The following CNTN4 variants were observed in gnomAD, a reference collection of about 807,000 sequenced individuals.
The protein encoded by CNTN4 is contactin-4.
A neutral mutation model predicts 122.5 loss-of-function variants in CNTN4; 77 were observed. That is an observed-to-expected ratio of 0.63 (90% CI 0.52 to 0.76). The LOEUF (loss-of-function observed/expected upper bound fraction) is 0.76, where lower values mean the gene tolerates loss of function less well. Ranked by LOEUF, CNTN4 falls within the 30% of genes least tolerant of loss-of-function variation. The pLI is 0.00. For missense variants in CNTN4, 1,256 were observed against 1,259.1 expected (o/e 1.00, Z 0.04); for synonymous variants, 512 against 447.0 (o/e 1.15, Z -1.83).
At chr3:3,049,660 G>A (rs996703050) in intron 23 of CNTN4, among the ~76,000 whole-genome samples, 1 of 152,172 alleles carries the variant, frequency 6.6e-6, no homozygotes, top group Non-Finnish European at 1.5e-5. Context: ...GGAGTGGACA[G>A]GAGAGATGTA....
intron 3 of CNTN4, among the ~76,000 whole-genome samples, chr3:2,547,876 G>C (rs6774320): frequency 0.77 from 117,401 of 152,050 alleles, 45,499 homozygotes; most frequent in African/African-American, 0.83. Context: ...ATTATTTCTT[G>C]TTTTCACAGA....
chr3:2,138,843 A>C (rs927955792), intron 2 of CNTN4, among the ~76,000 whole-genome samples: 14 of 152,156 alleles, frequency 9.2e-5, no homozygotes, highest in African/African-American at 3.4e-4. Context: ...TCTTTGTAAT[A>C]AATTTTCTTC....
chr3:2,808,577 C>T lies in CNTN4; in HGVS notation c.359-10909C>T, dbSNP rs1397098846. On this transcript the variant is annotated intron_variant, in intron 6 of 24. Transcript: ENST00000418658. ...TGATATATCACTGACTGGCTGATAA[C>T]AGCCCTAATCACAAATAATAGGCCC... Among the ~76,000 whole-genome samples, 11 of 152,162 alleles carry T rather than the reference C, an allele frequency of 7.2e-5. No homozygotes were observed. In the South Asian group the frequency reaches 1.2e-3, roughly 17 times the overall value.
At chr3:2,634,824 C>A (rs1032827900) in intron 4 of CNTN4, among the ~76,000 whole-genome samples, 8 of 151,750 alleles carry the variant, frequency 5.3e-5, no homozygotes, top group Non-Finnish European at 1.5e-5. Context: ...CCACTGTACT[C>A]CAGCCTGGGT....
At chr3:2,649,492 T>C (rs539445762) in intron 4 of CNTN4, among the ~76,000 whole-genome samples, 25 of 152,324 alleles carry the variant, frequency 1.6e-4, no homozygotes, top group Admixed American at 1.6e-3. Flanking sequence ...TGGATAACAG[T>C]ACATCTGTTT....
chr3:2,547,061 C>T (rs567965301), intron 3 of CNTN4, among the ~76,000 whole-genome samples: 35 of 151,816 alleles, frequency 2.3e-4, no homozygotes, highest in African/African-American at 7.7e-4. Flanking sequence ...GCCACAGATT[C>T]GATGTAGGTG....
chr3:2,662,156 C>T (rs1053660019), intron 4 of CNTN4, among the ~76,000 whole-genome samples: 9 of 152,156 alleles, frequency 5.9e-5, no homozygotes, highest in African/African-American at 2.2e-4. Context: ...AGTTATAATA[C>T]AGTTTAGTAA....
intron 2 of CNTN4, among the ~76,000 whole-genome samples, chr3:2,257,094 T>C (rs1453983737): frequency 6.6e-6 from 1 of 152,140 alleles, no homozygotes; most frequent in Admixed American, 6.5e-5. Context: ...AACAGATACA[T>C]AGACCAATGG....
At chr3:2,351,878 G>T (rs1181437471) in intron 3 of CNTN4, among the ~76,000 whole-genome samples, 2 of 152,092 alleles carry the variant, frequency 1.3e-5, no homozygotes, top group Non-Finnish European at 2.9e-5. Context: ...GTATAGACAA[G>T]AGGAATAGGT....
intron 2 of CNTN4, among the ~76,000 whole-genome samples, chr3:2,294,288 C>CT (rs71058604): frequency 0.047 from 6,306 of 135,474 alleles, 269 homozygotes; most frequent in Non-Finnish European, 0.065. Context: ...AGAGTTGTGA[C>CT]TTTTTTTTTT....
chr3:2,943,560 ATTGT>A (rs201747024), intron 13 of CNTN4, among the ~76,000 whole-genome samples: 2,887 of 149,488 alleles, frequency 0.019, 103 homozygotes, highest in African/African-American at 0.065. Context: ...TTTTATTTAG[ATTGT>A]TTGTTTATTT....
intron 2 of CNTN4, among the ~76,000 whole-genome samples, chr3:2,187,267 G>A (rs2037315287): frequency 6.6e-6 from 1 of 152,150 alleles, no homozygotes; most frequent in African/African-American, 2.4e-5. Context: ...TGAGGGCTCT[G>A]TTCGGTTCCA....
At chr3:2,696,787 C>T (rs375631595) in intron 4 of CNTN4, among the ~76,000 whole-genome samples, 2 of 152,226 alleles carry the variant, frequency 1.3e-5, no homozygotes, top group South Asian at 4.2e-4. Context: ...ATATGATTCT[C>T]ATTATACTAT....
At chr3:2,555,412 C>A (rs894459523) in intron 3 of CNTN4, among the ~76,000 whole-genome samples, 1 of 152,016 alleles carries the variant, frequency 6.6e-6, no homozygotes, top group Non-Finnish European at 1.5e-5. Context: ...CCAAGCACAC[C>A]GATTAATGAA....
At chr3:2,157,273 T>TAGAGGAGAAAGATTTTAAA (rs1347343666) in intron 2 of CNTN4, among the ~76,000 whole-genome samples, 1 of 152,126 alleles carries the variant, frequency 6.6e-6, no homozygotes, top group Non-Finnish European at 1.5e-5. Flanking sequence ...GATGGCTTCT[T>TAGAGGAGAAAGATTTTAAA]AGAGGAGAAA....
intron 2 of CNTN4, among the ~76,000 whole-genome samples, chr3:2,217,118 A>G (rs1412721998): frequency 6.6e-6 from 1 of 152,118 alleles, no homozygotes; most frequent in Non-Finnish European, 1.5e-5. Flanking sequence ...CAAGGATTGA[A>G]ATTCAGCCTC....
intron 2 of CNTN4, among the ~76,000 whole-genome samples, chr3:2,299,382 A>G (rs1248981200): frequency 1.3e-5 from 2 of 152,072 alleles, no homozygotes; most frequent in South Asian, 2.1e-4. Flanking sequence ...GATGAATTAT[A>G]TAGTTGTGAA....
chr3:2,290,412 A>C (rs1465249985), intron 2 of CNTN4, among the ~76,000 whole-genome samples: 1 of 152,178 alleles, frequency 6.6e-6, no homozygotes, highest in Non-Finnish European at 1.5e-5. Flanking sequence ...ATATCTTTAC[A>C]TTTATACGTA....
chr3:2,854,369 T>C (rs957818241), intron 7 of CNTN4, among the ~76,000 whole-genome samples: 1 of 141,844 alleles, frequency 7.1e-6, no homozygotes, highest in African/African-American at 2.6e-5. Flanking sequence ...ACCTCCCCGG[T>C]TCAAGAGATT....
Sources: gnomAD v4.1 joint callset for allele counts (sites outside exome capture counted in the v4.1 genomes callset) on GRCh38, gnomAD v4.1.1 for gene constraint, MANE v1.5 for transcripts, NCBI Gene and HGNC (gene_info 2026-07-23, HGNC 2026-07-21) for gene names.